Variants in SPATA16 observed in about 807,000 individuals in gnomAD.
The protein encoded by SPATA16 is spermatogenesis-associated protein 16.
In SPATA16, 36 loss-of-function variants were observed where a neutral mutation model predicts 63.3. The observed-to-expected ratio is 0.57, with a 90% CI of 0.44 to 0.75. The LOEUF is 0.75. Ranked by LOEUF, SPATA16 falls within the 30% of genes least tolerant of loss-of-function variation. SPATA16 has a pLI of 0.00. For synonymous variants in SPATA16, 203 were observed against 216.7 expected (o/e 0.94, Z 0.56); for missense variants, 646 against 679.3 (o/e 0.95, Z 0.54).
chr3:172,972,836 CT>C lies in SPATA16; in HGVS notation c.933+4131del, dbSNP rs1488000620. The stretch of plus-strand genomic sequence containing the variant: ...AGTGGCTTATCTCTTATGAAGGTCA[CT>C]TTTTGTTCAGACAGCCTTAAAATGG... On this transcript the variant is annotated intron_variant, in intron 5 of 10. Coordinates refer to ENST00000351008, the MANE Select transcript of SPATA16 (RefSeq NM_031955.6). Among the ~76,000 whole-genome samples, 4 of 152,228 alleles carry C rather than the reference CT, an allele frequency of 2.6e-5. 1 individual carries two copies. Among genetic ancestry groups the C allele is most frequent in the Admixed American group, 2.6e-4 (4 of 15,270 alleles).
intron 2 of SPATA16, among the ~76,000 whole-genome samples, chr3:173,110,026 TTTATC>T (rs3085830): frequency 0.36 from 55,130 of 151,756 alleles, 11,704 homozygotes; most frequent in African/African-American, 0.6. Flanking sequence ...TAATAATACT[TTTATC>T]TTATTTTTTG....
chr3:172,981,887 A>G (rs907465017), intron 4 of SPATA16, among the ~76,000 whole-genome samples: 1 of 152,180 alleles, frequency 6.6e-6, no homozygotes, highest in Admixed American at 6.5e-5. Context: ...CACTGCTTAC[A>G]CACTGTCTAT....
intron 6 of SPATA16, among the ~76,000 whole-genome samples, chr3:172,955,660 A>T (rs561092598): frequency 6.6e-6 from 1 of 152,208 alleles, no homozygotes; most frequent in African/African-American, 2.4e-5. Context: ...ATGTGGAGAA[A>T]AGTACGAAAT....
At chr3:172,989,505 G>A (rs1734529218) in intron 4 of SPATA16, among the ~76,000 whole-genome samples, 1 of 152,204 alleles carries the variant, frequency 6.6e-6, no homozygotes, top group South Asian at 2.1e-4. Flanking sequence ...TTGGGAGCTA[G>A]ACAGCGTTTG....
chr3:173,021,511 G>A (rs1471298455), intron 3 of SPATA16, among the ~76,000 whole-genome samples: 1 of 152,090 alleles, frequency 6.6e-6, no homozygotes, highest in Non-Finnish European at 1.5e-5. Flanking sequence ...TTAATATCAA[G>A]ACAAAACTAT....
intron 3 of SPATA16, among the ~76,000 whole-genome samples, chr3:173,024,186 C>A (rs929991339): frequency 6.6e-6 from 1 of 150,998 alleles, no homozygotes; most frequent in Non-Finnish European, 1.5e-5. Context: ...TATTTTGTAC[C>A]CTTATAACTT....
intron 10 of SPATA16, among the ~76,000 whole-genome samples, chr3:172,891,110 A>G (rs933606436): frequency 2.5e-4 from 38 of 151,970 alleles, no homozygotes; most frequent in African/African-American, 7.7e-4. Context: ...CATTACTTCA[A>G]TAGTTGAGTT....
At chr3:173,136,756 A>T (rs1482422376) in intron 1 of SPATA16, among the ~76,000 whole-genome samples, 1 of 152,174 alleles carries the variant, frequency 6.6e-6, no homozygotes, top group Non-Finnish European at 1.5e-5. Flanking sequence ...TAATGACCAG[A>T]CCAATGACCG....
At chr3:172,999,831 A>C (rs902341636) in intron 4 of SPATA16, among the ~76,000 whole-genome samples, 3 of 152,220 alleles carry the variant, frequency 2.0e-5, no homozygotes, top group African/African-American at 7.2e-5. Flanking sequence ...CAATTTTATT[A>C]ATCTTTTCAA....
intron 4 of SPATA16, among the ~76,000 whole-genome samples, chr3:172,990,427 A>G (rs183169015): frequency 1.4e-3 from 206 of 152,340 alleles, no homozygotes; most frequent in Non-Finnish European, 2.2e-3. Context: ...TTTGAGATAT[A>G]TTCCTCCAGA....
At chr3:172,970,867 A>G (rs1372623871) in intron 5 of SPATA16, among the ~76,000 whole-genome samples, 5 of 152,144 alleles carry the variant, frequency 3.3e-5, no homozygotes, top group Admixed American at 2.0e-4. Flanking sequence ...TTTGCCTGTA[A>G]TTTCATGTTG....
At chr3:172,912,152 T>C (rs924482938) in intron 10 of SPATA16, among the ~76,000 whole-genome samples, 1 of 152,214 alleles carries the variant, frequency 6.6e-6, no homozygotes, top group Non-Finnish European at 1.5e-5. Context: ...TTTAGAAATA[T>C]CCCCTTTTAC....
intron 2 of SPATA16, among the ~76,000 whole-genome samples, chr3:173,063,999 A>G (rs750243904): frequency 2.6e-5 from 4 of 152,170 alleles, no homozygotes; most frequent in Non-Finnish European, 4.4e-5. Context: ...AGAAAAAGGA[A>G]GGTGACATAC....
chr3:173,140,232 A>G (rs564436097), intron 1 of SPATA16, among the ~76,000 whole-genome samples: 109 of 152,338 alleles, frequency 7.2e-4, no homozygotes, highest in African/African-American at 2.6e-3. Context: ...AAAGGGTTGA[A>G]CAAAAACACA....
intron 6 of SPATA16, among the ~76,000 whole-genome samples, chr3:172,929,760 C>T (rs1732826064): frequency 6.6e-6 from 1 of 152,216 alleles, no homozygotes. Context: ...GAAATTTCCA[C>T]CAAATTCCAA....
chr3:173,092,314 A>G (rs1737245516), intron 2 of SPATA16, among the ~76,000 whole-genome samples: 1 of 152,158 alleles, frequency 6.6e-6, no homozygotes, highest in South Asian at 2.1e-4. Context: ...ATTTAGCACA[A>G]AGTGTTCTGC....
intron 4 of SPATA16, among the ~76,000 whole-genome samples, chr3:172,989,232 T>G (rs1734524545): frequency 6.6e-6 from 1 of 152,148 alleles, no homozygotes; most frequent in Non-Finnish European, 1.5e-5. Context: ...CTGTATCTAA[T>G]TTTTTCAAGT....
chr3:172,931,804 A>G lies in SPATA16; in HGVS notation c.1082-6312T>C, dbSNP rs1325380414. Among the ~76,000 whole-genome samples, 4 of 152,312 alleles carry G rather than the reference A, an allele frequency of 2.6e-5. No homozygotes were observed. The East Asian group carries it at 7.7e-4, about 29-fold the overall frequency. ...ACCCCAAATGGGTTCTGTTCACCTTATGAAGGGTGAGTGAAGTAAAATAAT... is the reference window on the plus strand; with the variant it reads ...ACCCCAAATGGGTTCTGTTCACCTTGTGAAGGGTGAGTGAAGTAAAATAAT... On this transcript the variant is annotated intron_variant, in intron 6 of 10. Coordinates refer to ENST00000351008, the MANE Select transcript of SPATA16 (RefSeq NM_031955.6).
intron 2 of SPATA16, among the ~76,000 whole-genome samples, chr3:173,058,314 C>T (rs960161987): frequency 5.9e-5 from 9 of 152,070 alleles, no homozygotes; most frequent in Non-Finnish European, 1.3e-4. Context: ...TGAAAATTCT[C>T]AGTATCATAC....
Sources: gnomAD v4.1 joint callset for allele counts (sites outside exome capture counted in the v4.1 genomes callset) on GRCh38, gnomAD v4.1.1 for gene constraint, MANE v1.5 for transcripts, NCBI Gene and HGNC (gene_info 2026-07-23, HGNC 2026-07-21) for gene names.